The following LPP variants were observed in gnomAD, a reference collection of about 807,000 sequenced individuals.
The protein encoded by LPP is LIM domain containing preferred translocation partner in lipoma, also known as lipoma-preferred partner.
LPP carries 38 observed loss-of-function variants against 60.4 expected under a neutral mutation model. That is an observed-to-expected ratio of 0.63 (90% confidence interval 0.49 to 0.83). LPP has a LOEUF of 0.83. LPP is among the 40% of genes least tolerant of loss of function. The pLI is 0.00. For synonymous variants in LPP, 328 were observed against 290.8 expected (o/e 1.13, Z -1.30); for missense variants, 902 against 783.6 (o/e 1.15, Z -1.80).
chr3:188,258,471 C>T (rs866726439), intron 2 of LPP, among the ~76,000 whole-genome samples: 14 of 152,136 alleles, frequency 9.2e-5, no homozygotes, highest in South Asian at 4.1e-4. Flanking sequence ...TACAGGGACA[C>T]GCCACTACGC....
intron 7 of LPP, among the ~76,000 whole-genome samples, chr3:188,623,544 C>A (rs1846219087): frequency 6.6e-6 from 1 of 152,208 alleles, no homozygotes; most frequent in African/African-American, 2.4e-5. Flanking sequence ...AGGCATGAGC[C>A]ACCGTGCCCG....
chr3:188,236,083 TA>T (rs537815631), intron 2 of LPP, among the ~76,000 whole-genome samples: 1 of 151,756 alleles, frequency 6.6e-6, no homozygotes, highest in Admixed American at 6.6e-5. Flanking sequence ...GAACAAATGT[TA>T]AAAAAAAGAC....
intron 6 of LPP, among the ~76,000 whole-genome samples, chr3:188,608,480 T>G (rs1405194130): frequency 6.7e-6 from 1 of 149,038 alleles, no homozygotes; most frequent in African/African-American, 2.5e-5. Context: ...ATCAATTGAC[T>G]GTATACACGT....
chr3:188,548,434 G>A (rs1008251632), intron 6 of LPP, among the ~76,000 whole-genome samples: 21 of 152,204 alleles, frequency 1.4e-4, no homozygotes, highest in Non-Finnish European at 2.5e-4. Context: ...GACCTCTTGC[G>A]GTCGATGTTT....
At position 188,609,705 on chromosome 3, in the gene LPP, C is replaced by T; in HGVS notation, c.974C>T (p.Thr325Ile). Residue 325 changes from threonine to isoleucine, a missense_variant, in exon 7 of 12, where the codon ACC (threonine) becomes ATC (isoleucine). Transcript: ENST00000617246. The surrounding 1 kb of genome is among the most constrained non-coding windows in gnomAD (Gnocchi z 6.9). ...TATGGTCAACAAGGTCACCCAAATA[C>T]CTGGAAACGGGAACCAGGGTACACT... ...PTYGQQGHPN[T>I]WKREPGYTPP... 1 of 1,614,090 alleles carries T rather than the reference C, an allele frequency of 6.2e-7. No individual in the cohort carries two copies. The highest frequency in any genetic ancestry group is 8.5e-7 in the Non-Finnish European group (1 of 1,180,006).
chr3:188,837,612 A>G (rs1238176454), intron 9 of LPP, among the ~76,000 whole-genome samples: 1 of 151,886 alleles, frequency 6.6e-6, no homozygotes, highest in Non-Finnish European at 1.5e-5. Flanking sequence ...TTTTCATATA[A>G]ATCTTGAAAT....
rs1295098524 is a variant in LPP at position 188,872,602 on chromosome 3, C to T, written c.1590-41C>T. On this transcript the variant is annotated intron_variant, in intron 10 of 11. Transcript: ENST00000617246. ...TTACCTCTGCGTCCCACCTCAGTGT[C>T]GACGCGCAGTATCTAACCAGAACTC... The T allele has an allele frequency of 3.7e-6, 6 of 1,612,402 alleles. No homozygotes were observed. In the South Asian group the frequency reaches 5.5e-5, roughly 15 times the overall value.
rs1770904404 is a variant in LPP at position 188,888,285 on chromosome 3, T to A, written c.*13806T>A. 2.2e-5 allele frequency: 5 copies of A among 226,374 alleles called. No individual in the cohort carries two copies. Among genetic ancestry groups the A allele is most frequent in the Admixed American group, 5.7e-5 (1 of 17,576 alleles). The allele number at this position is 226,374 out of a possible 1,614,324, so 14.0% of individuals were successfully genotyped here. A position where few individuals can be genotyped will look rare whatever the true frequency, so the allele number is the denominator to read the frequency against. On this transcript the variant is annotated 3_prime_UTR_variant, in exon 12 of 12. Transcript: ENST00000617246. ...GAAAGGACTTTCTAAGTAGCAAATCTGTGCCATGAAGTAGATGTGGCGTGA... is the reference window on the plus strand; with the variant it reads ...GAAAGGACTTTCTAAGTAGCAAATCAGTGCCATGAAGTAGATGTGGCGTGA...
At chr3:188,312,483 T>C (rs1753763069) in intron 2 of LPP, among the ~76,000 whole-genome samples, 1 of 152,252 alleles carries the variant, frequency 6.6e-6, no homozygotes, top group South Asian at 2.1e-4. Context: ...TAATCCTTTT[T>C]TGATTTTATG....
chr3:188,484,684 G>C lies in LPP; in HGVS notation c.286G>C (p.Glu96Gln). The C allele has an allele frequency of 6.2e-7, 1 of 1,610,902 alleles. No homozygotes were observed. The highest frequency in any genetic ancestry group is 8.5e-7 in the Non-Finnish European group (1 of 1,177,200). The change falls in exon 5 of 12, where the codon GAA (glutamate) becomes CAA (glutamine). Residue 96 changes from glutamate (E) to glutamine (Q), a missense_variant. Transcript: ENST00000617246. ...GNFPPPPPLD[E>Q]EAFKVQGNPG... ...CTTTCCTCCTCCACCACCTCTTGAT[G>C]AAGAGGCTTTCAAAGTACAGGTAAG...
intron 6 of LPP, among the ~76,000 whole-genome samples, chr3:188,538,710 A>G (rs1181767859): frequency 6.6e-6 from 1 of 152,208 alleles, no homozygotes; most frequent in Non-Finnish European, 1.5e-5. Context: ...ATATATGACC[A>G]CACAAAGACC....
intron 6 of LPP, among the ~76,000 whole-genome samples, chr3:188,545,497 C>T (rs1055047116): frequency 2.0e-5 from 3 of 151,928 alleles, no homozygotes; most frequent in African/African-American, 7.3e-5. Context: ...CTACCTTACT[C>T]ACATATCTGC....
rs71633243 is a variant in LPP, at chr3:188,884,987, T to C, written c.*10508T>C. ...TGTGATTTTTTATAATTACAAGGAA[T>C]TTGGTACCATGTTGTTTTCAAAAAA... On this transcript the variant is annotated 3_prime_UTR_variant, in exon 12 of 12. Coordinates refer to ENST00000617246, the MANE Select transcript of LPP (RefSeq NM_001375462.1). The C allele has an allele frequency of 0.038, 8,190 of 213,866 alleles. 178 individuals are homozygous for C. The highest frequency in any genetic ancestry group is 0.051 in the Non-Finnish European group (5,385 of 105,682). 13.2% of individuals were successfully genotyped at this position (213,866 alleles called of 1,614,324 possible). A position where few individuals can be genotyped will look rare whatever the true frequency, so the allele number is the denominator to read the frequency against.
At chr3:188,553,245 C>CCATAT (rs1388080637) in intron 6 of LPP, among the ~76,000 whole-genome samples, 1 of 152,036 alleles carries the variant, frequency 6.6e-6, no homozygotes, top group African/African-American at 2.4e-5. Context: ...CATTATTTTC[C>CCATAT]CATATCATGT....
chr3:188,471,497 G>A (rs539498872), intron 4 of LPP, among the ~76,000 whole-genome samples: 1 of 152,308 alleles, frequency 6.6e-6, no homozygotes, highest in East Asian at 1.9e-4. Flanking sequence ...TAGCTTGTTT[G>A]TATTCAGAGT....
chr3:188,397,343 C>T (rs895654804), intron 3 of LPP, among the ~76,000 whole-genome samples: 2 of 152,196 alleles, frequency 1.3e-5, no homozygotes, highest in Non-Finnish European at 2.9e-5. Flanking sequence ...TAAGATTTCT[C>T]CTAGCTGGGG....
intron 3 of LPP, among the ~76,000 whole-genome samples, chr3:188,395,954 A>C (rs1780847476): frequency 6.6e-6 from 1 of 151,980 alleles, no homozygotes; most frequent in Non-Finnish European, 1.5e-5. Context: ...AAAATAAACA[A>C]ATAAATAAAT....
chr3:188,666,222 TTG>T (rs1180757325), intron 7 of LPP, among the ~76,000 whole-genome samples: 3 of 152,184 alleles, frequency 2.0e-5, no homozygotes, highest in African/African-American at 4.8e-5. Flanking sequence ...ACAAGCAAAA[TTG>T]TGTGATTCTA....
In LPP at chr3:188,866,170, G is replaced by A. The variant is rs1365693469; in HGVS notation, c.1411-30G>A. 3 of 1,442,338 alleles carry A rather than the reference G, an allele frequency of 2.1e-6. No individual in the cohort carries two copies. The African/African-American group carries it at 4.3e-5, about 21-fold the overall frequency. 89.3% of individuals were successfully genotyped at this position (1,442,338 alleles called of 1,614,324 possible). A position where few individuals can be genotyped will look rare whatever the true frequency, so the allele number is the denominator to read the frequency against. On this transcript the variant is annotated intron_variant, in intron 9 of 11. Transcript: ENST00000617246. Reference sequence around the variant, plus strand: ...GCAGTATGGACCCCCTTCTGTCCCAGTCTGACGTGGTTTCTGTTTCCTTCC... The same window carrying A: ...GCAGTATGGACCCCCTTCTGTCCCAATCTGACGTGGTTTCTGTTTCCTTCC...
Sources: allele counts gnomAD v4.1 joint callset (sites outside exome capture counted in the v4.1 genomes callset), GRCh38; gene constraint gnomAD v4.1.1; non-coding constraint Gnocchi (gnomAD v3.1); transcripts MANE v1.5; gene names NCBI Gene and HGNC (gene_info 2026-07-23, HGNC 2026-07-21).